C8B: variants seen among roughly 807,000 people sequenced by gnomAD.
C8B encodes the protein complement C8 beta chain, also known as complement component C8 beta chain.
In C8B, 67 loss-of-function variants were observed where a neutral mutation model predicts 64.6. That is an observed-to-expected ratio of 1.04 (90% CI 0.85 to 1.27). C8B has a LOEUF of 1.27. Among genes scored for constraint, C8B ranks in the 50% most tolerant of loss-of-function variants. C8B has a pLI of 0.00. For missense variants in C8B, 790 were observed against 725.2 expected, an observed-to-expected ratio of 1.09 and a Z score of -1.03; for synonymous variants, 284 against 257.7, an observed-to-expected ratio of 1.10 and a Z score of -0.98.
chr1:56,946,219 C>A (rs1000028053), intron 6 of C8B, among the ~76,000 whole-genome samples, 158 bp from the exon 7 acceptor site: 1 of 152,140 alleles, frequency 6.6e-6, no homozygotes, highest in Non-Finnish European at 1.5e-5. Flanking sequence ...CTTTGACAAG[C>A]TTTCAGTGCT....
rs113094561 is a variant in C8B, at chr1:56,929,318, G to T, written c.*86C>A. ...GCCTTTTGCCCTTGCATGAACTCCA[G>T]GTGGAAACTGGTGTAGGGCTGAGCT... On this transcript the variant is annotated 3_prime_UTR_variant, in exon 12 of 12. Transcript: ENST00000371237. The T allele has an allele frequency of 3.8e-3, 5,461 of 1,433,498 alleles. 19 individuals carry two copies. The highest frequency in any genetic ancestry group is 5.1e-3 in the Admixed American group (302 of 59,726). 88.8% of individuals were successfully genotyped at this position (1,433,498 alleles called of 1,614,324 possible).
chr1:56,950,590 G>T (rs995666390), intron 5 of C8B, among the ~76,000 whole-genome samples: 1 of 152,168 alleles, frequency 6.6e-6, no homozygotes, highest in Non-Finnish European at 1.5e-5. Context: ...AGACAAGGGT[G>T]CAACAGCTCA....
At chr1:56,931,917 G>GAGTTCTTTGCTCCACCTGGCA in intron 10 of C8B, 39 bp from the exon 11 acceptor site, 1 of 1,468,542 alleles carries the variant, frequency 6.8e-7, no homozygotes, top group Non-Finnish European at 9.5e-7. Flanking sequence ...ATCATGCCAG[G>GAGTTCTTTGCTCCACCTGGCA]TGGAGCAAAG....
rs145476014 is a variant in C8B at position 56,958,551 on chromosome 1, G to T, written c.249+1469C>A. ...CAAAGGCAAAGTGGGTTCCAGGAGT[G>T]TGTAAGTGGTGCAGGAAATATATCA... On this transcript the variant is annotated intron_variant, in intron 2 of 11. Coordinates refer to ENST00000371237, the MANE Select transcript of C8B (RefSeq NM_000066.4). Among the ~76,000 whole-genome samples, 770 of 152,184 alleles carry T rather than the reference G, an allele frequency of 5.1e-3. 4 individuals are homozygous for T. The highest frequency in any genetic ancestry group is 0.017 in the African/African-American group (715 of 41,510).
At chr1:56,956,079 T>A (rs1645098659) in intron 3 of C8B, among the ~76,000 whole-genome samples, 1 of 152,160 alleles carries the variant, frequency 6.6e-6, no homozygotes, top group Non-Finnish European at 1.5e-5. Context: ...AACAATAATT[T>A]TTACCGGGTA....
At chr1:56,954,164 G>T (rs1006113950) in intron 4 of C8B, among the ~76,000 whole-genome samples, 1 of 152,056 alleles carries the variant, frequency 6.6e-6, no homozygotes, top group African/African-American at 2.4e-5. Flanking sequence ...TTCTGAACTT[G>T]CTCCTCTGTC....
At chr1:56,951,959 G>GA in intron 5 of C8B, 89 bp downstream of exon 5, 1 of 632,906 alleles carries the variant, frequency 1.6e-6, no homozygotes, top group Admixed American at 3.6e-5. Context: ...AAAGAGAAAA[G>GA]GGCTAGCAGG....
At position 56,956,870 on chromosome 1, in the gene C8B, C is replaced by T. The variant is rs758039686; in HGVS notation, c.290G>A (p.Gly97Glu). The T allele has an allele frequency of 2.5e-6, 4 of 1,614,072 alleles. No homozygotes were observed. The highest frequency in any genetic ancestry group is 1.3e-5 in the African/African-American group (1 of 75,008). The change falls in exon 3 of 12, where the codon GGG (glycine) becomes GAG (glutamate). Residue 97 changes from glycine to glutamate, a missense_variant. Physicochemically the swap from Gly to Glu is moderately conservative, Grantham distance 98. Coordinates refer to ENST00000371237, the MANE Select transcript of C8B (RefSeq NM_000066.4). Reference sequence around the variant, plus strand: ...CTTGTCAGAGAAGTTGCACGGTTCCCCATGGAACTGAGAGGGCTGGAGCAA... The same window carrying T: ...CTTGTCAGAGAAGTTGCACGGTTCCTCATGGAACTGAGAGGGCTGGAGCAA... ...AYLLQPSQFH[G>E]EPCNFSDKEV...
chr1:56,954,547 A>G, intron 4 of C8B, 139 bp downstream of exon 4: 1 of 1,162,740 alleles, frequency 8.6e-7, no homozygotes, highest in Non-Finnish European at 1.3e-6. Context: ...AGCAACCGGA[A>G]GTGTTACTTA....
chr1:56,951,411 C>A (rs55891661), intron 5 of C8B, among the ~76,000 whole-genome samples: 1 of 152,076 alleles, frequency 6.6e-6, no homozygotes, highest in Non-Finnish European at 1.5e-5. Context: ...GTGTTCCCAT[C>A]GGATCTCAAG....
chr1:56,951,986 T>C, intron 5 of C8B, 62 bp downstream of exon 5: 2 of 962,354 alleles, frequency 2.1e-6, no homozygotes, highest in South Asian at 1.6e-5. Context: ...GGCCGGACCA[T>C]GGACCCTGCT....
At chr1:56,936,840 A>T (rs190721703) in intron 9 of C8B, among the ~76,000 whole-genome samples, 49 of 151,760 alleles carry the variant, frequency 3.2e-4, no homozygotes, top group Non-Finnish European at 5.7e-4. Context: ...TCATCCACCC[A>T]CCTTGGCCTC....
Position 56,931,802 on chromosome 1 carries a change from T to G in C8B, c.1621+8A>C. The G allele has an allele frequency of 6.3e-7, 1 of 1,597,052 alleles. No individual in the cohort carries two copies. The highest frequency in any genetic ancestry group is 8.6e-7 in the Non-Finnish European group (1 of 1,166,030). On this transcript the variant is annotated splice_region_variant and intron_variant, in intron 11 of 11. Transcript: ENST00000371237. The stretch of plus-strand genomic sequence containing the variant: ...ACCTCCCCAGAGTTCCTTTTCCAAT[T>G]AACTTACTCTTCCGATAGGAGACCT...
intron 5 of C8B, among the ~76,000 whole-genome samples, chr1:56,951,409 A>G (rs935101397): frequency 6.6e-6 from 1 of 152,152 alleles, no homozygotes; most frequent in Admixed American, 6.5e-5. Context: ...GTGTGTTCCC[A>G]TCGGATCTCA....
rs1644659133 is a variant in C8B at position 56,929,246 on chromosome 1, G to T, written c.*158C>A. On this transcript the variant is annotated 3_prime_UTR_variant, in exon 12 of 12. Transcript: ENST00000371237. ...ACTCAGTATTTATTTAAATCAACTT[G>T]CATTTTACAAGGTAACATCTTTATT... 1.3e-5 allele frequency: 10 copies of T among 744,458 alleles called. No individual in the cohort carries two copies. The South Asian group carries it at 1.5e-4, about 11-fold the overall frequency. 46.1% of individuals were successfully genotyped at this position (744,458 alleles called of 1,614,324 possible). A position where few individuals can be genotyped will look rare whatever the true frequency, so the allele number is the denominator to read the frequency against.
rs756205318 is a variant in C8B at position 56,940,874 on chromosome 1, T to C, written c.1373A>G (p.Tyr458Cys). 1 of 1,613,920 alleles carries C rather than the reference T, an allele frequency of 6.2e-7. No individual in the cohort carries two copies. The highest frequency in any genetic ancestry group is 1.6e-4 in the Middle Eastern group (1 of 6,084). ...CTTAACTTTGATGATGGCTGGGTTG[T>C]ACTGCACAGCGTCTCCCCACTCCTG... Reference protein sequence around the residue: ...LMQEWGDAVQYNPAIIKVKVE... With the variant: ...LMQEWGDAVQCNPAIIKVKVE... Residue 458 changes from tyrosine to cysteine, a missense_variant, in exon 9 of 12, where the codon TAC becomes TGC. Physicochemically the swap from Tyr to Cys is radical, Grantham distance 194. Transcript: ENST00000371237.
At chr1:56,942,036 C>A (rs957121911) in intron 8 of C8B, among the ~76,000 whole-genome samples, 27 of 152,226 alleles carry the variant, frequency 1.8e-4, no homozygotes, top group Non-Finnish European at 3.5e-4. Flanking sequence ...GGTATATTAA[C>A]AACTAATAAT....
Position 56,965,957 on chromosome 1 carries a change from T to C in C8B, c.-9A>G, listed in dbSNP as rs1645250481. 2 of 1,613,588 alleles carry C rather than the reference T, an allele frequency of 1.2e-6. No individual in the cohort carries two copies. The highest frequency in any genetic ancestry group is 1.7e-6 in the Non-Finnish European group (2 of 1,179,988). On this transcript the variant is annotated 5_prime_UTR_variant, in exon 1 of 12. Coordinates refer to ENST00000371237, the MANE Select transcript of C8B (RefSeq NM_000066.4). ...GTCCTGGAATTCTTCATTTTCCCAA[T>C]GTGACAGGAGATGCCACAGAGGCTG...
intron 11 of C8B, among the ~76,000 whole-genome samples, chr1:56,930,432 G>A (rs890301620): frequency 7.2e-5 from 11 of 152,160 alleles, no homozygotes; most frequent in Admixed American, 3.9e-4. Context: ...AAAAATAAGA[G>A]AGCTGGAGTG....
Sources: allele counts gnomAD v4.1 joint callset (sites outside exome capture counted in the v4.1 genomes callset), GRCh38; gene constraint gnomAD v4.1.1; transcripts MANE v1.5; gene names NCBI Gene and HGNC (gene_info 2026-07-23, HGNC 2026-07-21).